PAK4: variants seen among roughly 807,000 people sequenced by gnomAD.
PAK4 encodes the protein p21 (RAC1) activated kinase 4, also known as serine/threonine-protein kinase PAK 4.
In PAK4, 49 loss-of-function variants were observed where a neutral mutation model predicts 53.5. The observed-to-expected ratio is 0.92, with a 90% CI of 0.73 to 1.16. PAK4 has a LOEUF of 1.16. Among genes scored for constraint, PAK4 ranks in the 50% most tolerant of loss-of-function variants. The pLI, the probability that PAK4 is intolerant of heterozygous loss-of-function variation, is 0.00. For missense variants in PAK4, 824 were observed against 850.7 expected (o/e 0.97, Z 0.39); for synonymous variants, 376 against 375.6 (o/e 1.00, Z -0.01).
chr19:39,147,753 C>G (rs370856722), intron 1 of PAK4, among the ~76,000 whole-genome samples: 1 of 151,066 alleles, frequency 6.6e-6, no homozygotes, highest in Non-Finnish European at 1.5e-5. Context: ...TAGCTTTTCA[C>G]GTGCTTATCT....
At chr19:39,140,175 C>A (rs1033633381) in intron 1 of PAK4, among the ~76,000 whole-genome samples, 1 of 152,172 alleles carries the variant, frequency 6.6e-6, no homozygotes, top group Non-Finnish European at 1.5e-5. Context: ...TTCCCCACCC[C>A]ACCCTCCTGC....
chr19:39,169,120 T>G (rs2144816784), intron 1 of PAK4, among the ~76,000 whole-genome samples: 1 of 152,072 alleles, frequency 6.6e-6, no homozygotes, highest in East Asian at 1.9e-4. Context: ...GCTCTTTGCC[T>G]TGGGGTGGTC....
At chr19:39,171,567 C>T (rs2144834567) in intron 2 of PAK4, among the ~76,000 whole-genome samples, 1 of 152,338 alleles carries the variant, frequency 6.6e-6, no homozygotes, top group South Asian at 2.1e-4. Context: ...GGCCCCTGGG[C>T]AAGGCCCGGC....
At chr19:39,141,665 C>A (rs2073912129) in intron 1 of PAK4, among the ~76,000 whole-genome samples, 2 of 151,724 alleles carry the variant, frequency 1.3e-5, no homozygotes, top group African/African-American at 4.8e-5. Context: ...GACAGAGTCT[C>A]ACTCTGTCTC....
intron 2 of PAK4, 71 bp downstream of exon 3, chr19:39,169,828 A>G: frequency 9.9e-7 from 1 of 1,007,166 alleles, no homozygotes; most frequent in East Asian, 2.9e-5. Flanking sequence ...TCAACCCCAC[A>G]CTCGACCCTG....
intron 1 of PAK4, among the ~76,000 whole-genome samples, chr19:39,127,431 C>CA (rs112041890): frequency 4.3e-4 from 66 of 152,220 alleles, no homozygotes; most frequent in African/African-American, 1.5e-3. Context: ...CCCTGGCTCG[C>CA]CTTGCTGCAG....
rs548769198 is a variant in PAK4 at position 39,163,455 on chromosome 19, C to T, written c.-22-6077C>T. On this transcript the variant is annotated intron_variant, in intron 1 of 8. Transcript: ENST00000358301. ...CGTCTGCTGACACTGACAGCTTTGT[C>T]GCACGGTGGATCTTGCTTTTCCATT... Among the ~76,000 whole-genome samples the T allele has an allele frequency of 1.3e-4, 19 of 151,940 alleles. No individual in the cohort carries two copies. The South Asian group carries it at 3.5e-3, about 28-fold the overall frequency.
intron 1 of PAK4, among the ~76,000 whole-genome samples, chr19:39,128,054 C>G (rs796603045): frequency 3.3e-5 from 5 of 152,260 alleles, no homozygotes; most frequent in African/African-American, 1.2e-4. Context: ...TGCCTGAGGC[C>G]TTGATGGAGC....
At chr19:39,157,101 G>A (rs185757615) in intron 1 of PAK4, among the ~76,000 whole-genome samples, 77 of 152,254 alleles carry the variant, frequency 5.1e-4, no homozygotes, top group African/African-American at 1.6e-3. Context: ...TGGCTTGCAC[G>A]AGGGCAGAAG....
At chr19:39,160,941 T>TGG (rs1218417276) in intron 1 of PAK4, among the ~76,000 whole-genome samples, 2 of 152,212 alleles carry the variant, frequency 1.3e-5, no homozygotes, top group African/African-American at 4.8e-5. Flanking sequence ...AACAGGAGGC[T>TGG]GGGGGATGTT....
At chr19:39,154,311 A>G (rs1016830613) in intron 1 of PAK4, among the ~76,000 whole-genome samples, 2 of 152,152 alleles carry the variant, frequency 1.3e-5, no homozygotes, top group African/African-American at 2.4e-5. Flanking sequence ...GAGCCACGGA[A>G]TGTTTTCGAG....
chr19:39,160,648 C>A (rs753152307), intron 1 of PAK4, among the ~76,000 whole-genome samples: 3 of 152,134 alleles, frequency 2.0e-5, no homozygotes, highest in African/African-American at 7.2e-5. Context: ...AGGCAGCCAG[C>A]GCGGCTGGAG....
chr19:39,136,128 AC>A (rs1401592204), intron 1 of PAK4, among the ~76,000 whole-genome samples: 1 of 89,640 alleles, frequency 1.1e-5, no homozygotes, highest in Non-Finnish European at 2.0e-5. Flanking sequence ...CTTCCTCGTT[AC>A]CCCCCTTCCT....
At chr19:39,166,962 A>G (rs2074385865) in intron 1 of PAK4, among the ~76,000 whole-genome samples, 1 of 152,158 alleles carries the variant, frequency 6.6e-6, no homozygotes, top group Admixed American at 6.5e-5. Flanking sequence ...CCCCAGGCAA[A>G]TATCCGGAGG....
chr19:39,130,128 G>C (rs1309624049), intron 1 of PAK4, among the ~76,000 whole-genome samples: 3 of 149,784 alleles, frequency 2.0e-5, no homozygotes, highest in Admixed American at 6.6e-5. Context: ...GGCGGGATGT[G>C]GGGGGGACCC....
chr19:39,143,608 AAAAAAAAAAAAAAAAG>A lies in PAK4; in HGVS notation c.-23+17692_-23+17707del, dbSNP rs1418141563. The stretch of plus-strand genomic sequence containing the variant: ...ACTCTGTCTCAAAAAAAAAAAAAAA[AAAAAAAAAAAAAAAAG>A]AATTGTTGAGTGCATGAATGAATAA... On this transcript the variant is annotated intron_variant, in intron 1 of 8. Coordinates refer to ENST00000358301, the Ensembl canonical transcript of PAK4. Among the ~76,000 whole-genome samples, 7 of 143,306 alleles carry A rather than the reference AAAAAAAAAAAAAAAAG, an allele frequency of 4.9e-5. No individual in the cohort carries two copies. The East Asian group carries it at 8.2e-4, about 17-fold the overall frequency. 94.0% of individuals were successfully genotyped at this position (143,306 alleles called of 152,430 possible).
intron 6 of PAK4, among the ~76,000 whole-genome samples, chr19:39,176,003 A>T (rs1455733608): frequency 3.3e-5 from 5 of 152,210 alleles, no homozygotes; most frequent in Admixed American, 3.3e-4. Context: ...GAAAATCTCC[A>T]GATGTCTATA....
chr19:39,146,602 G>A (rs2145169896), intron 1 of PAK4, among the ~76,000 whole-genome samples: 2 of 152,290 alleles, frequency 1.3e-5, no homozygotes, highest in South Asian at 4.1e-4. Flanking sequence ...CATTTGGGGA[G>A]GCCAAGGCAG....
In PAK4 at chr19:39,173,272, A is replaced by G; in HGVS notation, c.559A>G (p.Thr187Ala). ...CCCCCTCTCCGGGCCTGATGTCGGC[A>G]CCCCCCAGCCTGCTGGTCTGGCCAG... Residue 187 changes from threonine to alanine, a missense_variant, in exon 3 of 9, where the codon ACC becomes GCC. Around this residue, in one of 2 missense-constraint regions of PAK4, gnomAD observed 478 missense variants for 435.8 expected, o/e 1.10. Coordinates refer to ENST00000358301, the Ensembl canonical transcript of PAK4. The surrounding 1 kb of genome is among the most constrained non-coding windows in gnomAD (Gnocchi z 6.9). 2 of 1,600,582 alleles carry G rather than the reference A, an allele frequency of 1.2e-6. No homozygotes were observed. Among genetic ancestry groups the G allele is most frequent in the Non-Finnish European group, 8.5e-7 (1 of 1,174,704 alleles).
Sources: gnomAD v4.1 joint callset for allele counts (sites outside exome capture counted in the v4.1 genomes callset) on GRCh38, gnomAD v4.1.1 for gene constraint, gnomAD v4.1.1 regional missense constraint, Gnocchi (gnomAD v3.1) non-coding constraint, MANE v1.5 for transcripts, NCBI Gene and HGNC (gene_info 2026-07-23, HGNC 2026-07-21) for gene names.